PRKG1: variants seen among roughly 807,000 people sequenced by gnomAD.
The protein encoded by PRKG1 is cGMP-dependent protein kinase 1.
A neutral mutation model predicts 88.1 loss-of-function variants in PRKG1; 35 were observed. That is an observed-to-expected ratio of 0.40 (90% confidence interval 0.30 to 0.53). PRKG1 has a LOEUF of 0.53. Ranked by LOEUF, PRKG1 falls within the 20% of genes least tolerant of loss-of-function variation. The pLI is 0.59. For synonymous variants in PRKG1, 303 were observed against 292.5 expected (o/e 1.04, Z -0.37); for missense variants, 540 against 839.8 (o/e 0.64, Z 4.41).
intron 3 of PRKG1, among the ~76,000 whole-genome samples, chr10:51,659,087 G>A (rs1172685781): frequency 2.6e-5 from 4 of 152,048 alleles, no homozygotes; most frequent in Non-Finnish European, 1.5e-5. Context: ...GCTGTTTTAT[G>A]TTTTCTTCTA....
chr10:51,844,334 A>C (rs1719488551), intron 4 of PRKG1, among the ~76,000 whole-genome samples: 1 of 152,128 alleles, frequency 6.6e-6, no homozygotes, highest in South Asian at 2.1e-4. Flanking sequence ...AAAATATGGA[A>C]ATTAAGAATA....
chr10:51,889,379 G>A (rs75542131), intron 4 of PRKG1, among the ~76,000 whole-genome samples: 9,287 of 152,028 alleles, frequency 0.061, 355 homozygotes, highest in Admixed American at 0.12. Flanking sequence ...TCCCTACAAA[G>A]GACATGAACT....
At chr10:51,051,750 A>G (rs1490880618) in intron 1 of PRKG1, among the ~76,000 whole-genome samples, 1 of 152,134 alleles carries the variant, frequency 6.6e-6, no homozygotes, top group Non-Finnish European at 1.5e-5. Context: ...CCCATAATAC[A>G]CTGGCCTGCT....
chr10:51,996,223 G>A (rs560210973), intron 5 of PRKG1, among the ~76,000 whole-genome samples: 1 of 143,624 alleles, frequency 7.0e-6, no homozygotes. Context: ...GCTTTGACAG[G>A]AGAATCGCTT....
intron 4 of PRKG1, among the ~76,000 whole-genome samples, chr10:51,853,013 C>T (rs528920469): frequency 6.6e-6 from 1 of 152,232 alleles, no homozygotes; most frequent in South Asian, 2.1e-4. Flanking sequence ...CTCCATTAAA[C>T]TCCCTCAAAC....
At chr10:51,874,100 A>G (rs1445282215) in intron 4 of PRKG1, among the ~76,000 whole-genome samples, 1 of 152,214 alleles carries the variant, frequency 6.6e-6, no homozygotes, top group Non-Finnish European at 1.5e-5. Flanking sequence ...GCAACCTCAA[A>G]TGGCAGGCAG....
chr10:52,094,519 G>T lies in PRKG1; in HGVS notation c.935+31888G>T, dbSNP rs200038272. On this transcript the variant is annotated intron_variant, in intron 7 of 17. Transcript: ENST00000373980. ...CATATATTTAAACATTAAAACCAAAGAATTCTCCCTCATGTTCATTACTAT... is the reference window on the plus strand; with the variant it reads ...CATATATTTAAACATTAAAACCAAATAATTCTCCCTCATGTTCATTACTAT... Among the ~76,000 whole-genome samples the T allele has an allele frequency of 2.6e-5, 4 of 152,014 alleles. No individual in the cohort carries two copies. The East Asian group carries it at 7.7e-4, about 29-fold the overall frequency.
chr10:51,238,151 T>C (rs1228306554), intron 2 of PRKG1, among the ~76,000 whole-genome samples: 1 of 152,198 alleles, frequency 6.6e-6, no homozygotes, highest in African/African-American at 2.4e-5. Flanking sequence ...AGAAGCATGA[T>C]TCTTTTTCAC....
chr10:51,469,340 T>G (rs1839986721), intron 3 of PRKG1, among the ~76,000 whole-genome samples: 1 of 151,894 alleles, frequency 6.6e-6, no homozygotes, highest in African/African-American at 2.4e-5. Context: ...ATTTCAGGCT[T>G]GTACACTGCT....
Position 52,245,749 on chromosome 10 carries a change from T to TTTTA in PRKG1, c.1077-5769_1077-5766dup, listed in dbSNP as rs10552419. Among the ~76,000 whole-genome samples, 1,226 of 138,094 alleles carry TTTTA rather than the reference T, an allele frequency of 8.9e-3. 13 individuals carry two copies. The highest frequency in any genetic ancestry group is 0.016 in the African/African-American group (590 of 37,522). The allele number at this position is 138,094 out of a possible 152,430, so 90.6% of individuals were successfully genotyped here. Reference sequence around the variant, plus strand: ...TGTGGATTGGTAGATGTTAACACCATTTTATTTATTTATTTATTTATTTAT... The same window carrying TTTTA: ...TGTGGATTGGTAGATGTTAACACCATTTTATTTATTTATTTATTTATTTATTTAT... On this transcript the variant is annotated intron_variant, in intron 9 of 17. Coordinates refer to ENST00000373980, the MANE Select transcript of PRKG1 (RefSeq NM_006258.4).
At position 51,033,610 on chromosome 10, in the gene PRKG1, A is replaced by T. The variant is rs145087919; in HGVS notation, c.266+41966A>T. Among the ~76,000 whole-genome samples the T allele has an allele frequency of 2.3e-3, 343 of 152,306 alleles. 1 individual carries two copies. The highest frequency in any genetic ancestry group is 7.5e-3 in the African/African-American group (310 of 41,570). Reference sequence around the variant, plus strand: ...GATGTATCCAATAAATATGTGTTGTATCTACCACACGGCCCTCTAGACACA... The same window carrying T: ...GATGTATCCAATAAATATGTGTTGTTTCTACCACACGGCCCTCTAGACACA... On this transcript the variant is annotated intron_variant, in intron 1 of 17. Transcript: ENST00000401604.
chr10:52,243,153 AC>A, intron 9 of PRKG1, among the ~76,000 whole-genome samples: 1 of 152,306 alleles, frequency 6.6e-6, no homozygotes, highest in East Asian at 1.9e-4. Context: ...ATTGGAACAC[AC>A]ACAGGCAGGA....
At chr10:51,777,066 C>T (rs1027750343) in intron 3 of PRKG1, among the ~76,000 whole-genome samples, 3 of 152,032 alleles carry the variant, frequency 2.0e-5, no homozygotes. Flanking sequence ...GAATAGCAAA[C>T]AGAACATTAT....
At chr10:51,122,618 T>C (rs942937505) in intron 1 of PRKG1, among the ~76,000 whole-genome samples, 2 of 152,188 alleles carry the variant, frequency 1.3e-5, no homozygotes, top group Non-Finnish European at 2.9e-5. Context: ...TCAATAGTTA[T>C]TGCTAGACAT....
chr10:51,421,049 G>A (rs1168457692), intron 2 of PRKG1, among the ~76,000 whole-genome samples: 1 of 152,220 alleles, frequency 6.6e-6, no homozygotes, highest in Admixed American at 6.5e-5. Flanking sequence ...AATTCAACAT[G>A]AGATTTGGGC....
intron 3 of PRKG1, among the ~76,000 whole-genome samples, chr10:51,549,120 CTTTTTT>C (rs56045527): frequency 1.4e-5 from 1 of 70,326 alleles, no homozygotes; most frequent in Non-Finnish European, 2.6e-5. Flanking sequence ...CTTTTCTTTT[CTTTTTT>C]TTTTTTTTTT....
intron 7 of PRKG1, among the ~76,000 whole-genome samples, chr10:52,089,804 CTTTTTTTTT>C (rs397846439): frequency 1.5e-5 from 1 of 67,722 alleles, no homozygotes; most frequent in Non-Finnish European, 2.4e-5. Flanking sequence ...TTCTTTCCTT[CTTTTTTTTT>C]TTTTTTTTTT....
At chr10:51,344,243 G>C (rs1842064281) in intron 2 of PRKG1, among the ~76,000 whole-genome samples, 1 of 152,128 alleles carries the variant, frequency 6.6e-6, no homozygotes, top group Non-Finnish European at 1.5e-5. Context: ...AGAGGAGTAG[G>C]AGCAGGAGAG....
chr10:51,240,444 C>A (rs1275504111), intron 2 of PRKG1, among the ~76,000 whole-genome samples: 1 of 152,150 alleles, frequency 6.6e-6, no homozygotes, highest in Non-Finnish European at 1.5e-5. Context: ...ACACTGTAGC[C>A]TTTTTAGCCT....
Sources: allele counts gnomAD v4.1 joint callset (sites outside exome capture counted in the v4.1 genomes callset), GRCh38; gene constraint gnomAD v4.1.1; transcripts MANE v1.5; gene names NCBI Gene and HGNC (gene_info 2026-07-23, HGNC 2026-07-21).